The following REDIC1 variants were observed in gnomAD, a reference collection of about 807,000 sequenced individuals.
REDIC1 encodes HEI10 Interacting Protein 1.
chr12:39,901,820 G>A, the REDIC1 span, among the ~76,000 whole-genome samples: 41 of 145,090 alleles, frequency 2.8e-4, no homozygotes, highest in African/African-American at 1.1e-3. Flanking sequence ...AATACCATTT[G>A]ACCCAGCCAT....
chr12:39,900,285 C>G, the REDIC1 span, among the ~76,000 whole-genome samples: 2 of 152,224 alleles, frequency 1.3e-5, no homozygotes, highest in South Asian at 4.2e-4. Context: ...TGGCACAAGA[C>G]AGGGATGCCC....
chr12:39,784,512 C>T, the REDIC1 span, among the ~76,000 whole-genome samples: 120,099 of 152,148 alleles, frequency 0.79, 47,726 homozygotes, highest in Non-Finnish European at 0.84. Context: ...TGGGAAAACT[C>T]GCTAGCCATA....
the REDIC1 span, among the ~76,000 whole-genome samples, chr12:39,726,552 C>G: frequency 1.3e-5 from 2 of 152,150 alleles, no homozygotes; most frequent in Non-Finnish European, 2.9e-5. Context: ...TTTTCTTTAT[C>G]CAGTCTATCA....
chr12:39,745,355 G>A, the REDIC1 span, among the ~76,000 whole-genome samples: 3 of 152,078 alleles, frequency 2.0e-5, no homozygotes, highest in Non-Finnish European at 4.4e-5. Context: ...ACAATAAAGG[G>A]TACTGGTTAA....
the REDIC1 span, among the ~76,000 whole-genome samples, chr12:39,831,791 A>G: frequency 2.0e-5 from 3 of 152,066 alleles, no homozygotes; most frequent in Non-Finnish European, 1.5e-5. Flanking sequence ...TCCCACTTTC[A>G]CTATGTGAGG....
the REDIC1 span, among the ~76,000 whole-genome samples, chr12:39,882,422 T>A: frequency 6.6e-6 from 1 of 152,344 alleles, no homozygotes; most frequent in Non-Finnish European, 1.5e-5. Context: ...TTTGTTATAC[T>A]TATGTCATAA....
chr12:39,761,977 G>C, the REDIC1 span, among the ~76,000 whole-genome samples: 2,865 of 152,162 alleles, frequency 0.019, 84 homozygotes, highest in African/African-American at 0.063. Flanking sequence ...CATTTGTTGG[G>C]TTAGGAAGAT....
the REDIC1 span, among the ~76,000 whole-genome samples, chr12:39,631,696 C>T: frequency 1.3e-5 from 2 of 152,112 alleles, no homozygotes; most frequent in East Asian, 3.9e-4. Context: ...TTGTTCTGAG[C>T]TTACCAGGTA....
chr12:39,710,002 C>T, the REDIC1 span, among the ~76,000 whole-genome samples: 1 of 150,992 alleles, frequency 6.6e-6, no homozygotes, highest in Non-Finnish European at 1.5e-5. Flanking sequence ...TTGTTTTTTT[C>T]TGACAGTGGT....
the REDIC1 span, among the ~76,000 whole-genome samples, chr12:39,742,193 G>A: frequency 6.6e-4 from 100 of 152,254 alleles, 1 homozygote; most frequent in African/African-American, 2.2e-3. Context: ...TGTATTTCTA[G>A]TTTACAGGTA....
the REDIC1 span, among the ~76,000 whole-genome samples, chr12:39,689,072 G>A: frequency 6.6e-6 from 1 of 152,160 alleles, no homozygotes; most frequent in Non-Finnish European, 1.5e-5. Flanking sequence ...TGTACATGTG[G>A]CCATATGGCT....
chr12:39,764,871 G>A, the REDIC1 span: 1 of 1,609,356 alleles, frequency 6.2e-7, no homozygotes, highest in Non-Finnish European at 8.5e-7. Flanking sequence ...GAAAAATAAT[G>A]CAATATAAGT....
chr12:39,828,917 T>C, the REDIC1 span, among the ~76,000 whole-genome samples: 1 of 152,144 alleles, frequency 6.6e-6, no homozygotes, highest in Non-Finnish European at 1.5e-5. Context: ...GTAATTAGTA[T>C]ATTTAAAATG....
At chr12:39,834,484 A>G in the REDIC1 span, among the ~76,000 whole-genome samples, 1 of 152,000 alleles carries the variant, frequency 6.6e-6, no homozygotes, top group Admixed American at 6.6e-5. Context: ...TATCCTTTCA[A>G]ATCTCTCCCA....
the REDIC1 span, among the ~76,000 whole-genome samples, chr12:39,860,812 T>C: frequency 6.6e-6 from 1 of 152,110 alleles, no homozygotes; most frequent in Non-Finnish European, 1.5e-5. Context: ...GCAACTGTCA[T>C]CTCTCTCATA....
chr12:39,896,477 T>TC, the REDIC1 span, among the ~76,000 whole-genome samples: 1 of 143,024 alleles, frequency 7.0e-6, no homozygotes, highest in Non-Finnish European at 1.5e-5. Context: ...CATATATGTA[T>TC]ATGTGTATAT....
chr12:39,895,074 G>C, the REDIC1 span, among the ~76,000 whole-genome samples: 1 of 151,914 alleles, frequency 6.6e-6, no homozygotes, highest in Non-Finnish European at 1.5e-5. Context: ...TCACTATGTT[G>C]TCCAGGCTGG....
chr12:39,868,755 T>C, the REDIC1 span, among the ~76,000 whole-genome samples: 1 of 152,178 alleles, frequency 6.6e-6, no homozygotes, highest in African/African-American at 2.4e-5. Flanking sequence ...AAATTTGTAA[T>C]ATTTACCAGA....
the REDIC1 span, among the ~76,000 whole-genome samples, chr12:39,696,067 T>C: frequency 6.6e-6 from 1 of 152,136 alleles, no homozygotes; most frequent in Non-Finnish European, 1.5e-5. Flanking sequence ...CTATAGCAGA[T>C]ACAGCTTAGG....
Sources: allele counts gnomAD v4.1 joint callset (sites outside exome capture counted in the v4.1 genomes callset), GRCh38; gene constraint gnomAD v4.1.1; transcripts MANE v1.5; gene names NCBI Gene and HGNC (gene_info 2026-07-23, HGNC 2026-07-21).